Variants in TTLL1 observed in about 807,000 individuals in gnomAD.
TTLL1 encodes TTL family tubulin polyglutamylase complex subunit L1, also known as polyglutamylase complex subunit TTLL1.
In TTLL1, 33 loss-of-function variants were observed where a neutral mutation model predicts 47.8. The ratio of observed to expected loss-of-function variants is 0.69; its 90% CI spans 0.52 to 0.92. The LOEUF (loss-of-function observed/expected upper bound fraction) is 0.92. TTLL1 is among the 40% of genes least tolerant of loss of function. The pLI is 0.00. For synonymous variants in TTLL1, 225 were observed against 214.1 expected (o/e 1.05, Z -0.45); for missense variants, 488 against 547.5 (o/e 0.89, Z 1.08).
At chr22:43,061,382 G>A (rs1435362799) in intron 7 of TTLL1, among the ~76,000 whole-genome samples, 1 of 152,226 alleles carries the variant, frequency 6.6e-6, no homozygotes, top group Non-Finnish European at 1.5e-5. Context: ...CCTGTTGGCA[G>A]CTGTGGGGCC....
chr22:43,048,824 C>T (rs959330729), intron 9 of TTLL1, among the ~76,000 whole-genome samples: 2 of 151,986 alleles, frequency 1.3e-5, no homozygotes, highest in African/African-American at 4.8e-5. Flanking sequence ...GTAATCCCAG[C>T]TACTCAGGAG....
intron 2 of TTLL1, among the ~76,000 whole-genome samples, chr22:43,076,327 G>A (rs760943181): frequency 2.0e-5 from 3 of 152,078 alleles, no homozygotes; most frequent in Non-Finnish European, 4.4e-5. Flanking sequence ...GTGGTTGTGC[G>A]CACCCGTAAT....
chr22:43,045,044 G>A (rs6003015), intron 10 of TTLL1, among the ~76,000 whole-genome samples: 14,538 of 152,144 alleles, frequency 0.096, 814 homozygotes, highest in Admixed American at 0.15. Context: ...TGTATTTTTA[G>A]TAGAGATACA....
chr22:43,054,885 T>C (rs962586559), intron 8 of TTLL1, among the ~76,000 whole-genome samples: 4 of 149,304 alleles, frequency 2.7e-5, no homozygotes, highest in Non-Finnish European at 4.4e-5. Flanking sequence ...CCACTACGCC[T>C]GGCTAATTTT....
chr22:43,054,423 C>CTTT (rs767193512), intron 8 of TTLL1, among the ~76,000 whole-genome samples: 3 of 139,248 alleles, frequency 2.2e-5, no homozygotes, highest in East Asian at 2.0e-4. Flanking sequence ...GACATAATCT[C>CTTT]TTTTTTTTTT....
rs766678425 is a variant in TTLL1, at chr22:43,039,784, A to G, written c.1264T>C (p.Trp422Arg). 1 of 1,611,206 alleles carries G rather than the reference A, an allele frequency of 6.2e-7. No individual in the cohort carries two copies. Among genetic ancestry groups the G allele is most frequent in the Non-Finnish European group, 8.5e-7 (1 of 1,178,110 alleles). The change falls in exon 11 of 11, where the codon TGG becomes CGG. Residue 422 changes from tryptophan to arginine, a missense_variant. Coordinates refer to ENST00000266254, the MANE Select transcript of TTLL1 (RefSeq NM_012263.5). Reference sequence around the variant, plus strand: ...TAAGGTCCAGGTGGGACTCACTTCCAGGTGGTGAGGACCGCTCTCCCCGAG... The same window carrying G: ...TAAGGTCCAGGTGGGACTCACTTCCGGGTGGTGAGGACCGCTCTCCCCGAG... ...RDSGRAVLTT[W>R]K
At chr22:43,074,581 C>T (rs1408192066) in intron 3 of TTLL1, among the ~76,000 whole-genome samples, 2 of 152,088 alleles carry the variant, frequency 1.3e-5, no homozygotes, top group Non-Finnish European at 2.9e-5. Flanking sequence ...TGGCTCACGC[C>T]TGTAATCCCA....
rs201665477 is a variant in TTLL1 at position 43,059,531 on chromosome 22, G to A, written c.748-4C>T. 1 of 1,611,510 alleles carries A rather than the reference G, an allele frequency of 6.2e-7. No homozygotes were observed. Among genetic ancestry groups the A allele is most frequent in the East Asian group, 2.2e-5 (1 of 44,776 alleles). ...CATGGATGTGGTTGTAGTCCTCCTGGTGACGGGAAAGCGGGCAGGCATCCC... is the reference window on the plus strand; with the variant it reads ...CATGGATGTGGTTGTAGTCCTCCTGATGACGGGAAAGCGGGCAGGCATCCC... On this transcript the variant is annotated splice_region_variant and splice_polypyrimidine_tract_variant and intron_variant, in intron 7 of 10. Transcript: ENST00000266254.
At chr22:43,070,245 T>C (rs764862874) in intron 3 of TTLL1, 3 of 1,310,870 alleles carry the variant, frequency 2.3e-6, no homozygotes, top group Middle Eastern at 4.2e-4. Context: ...CAAGGAGCCT[T>C]TAAAAACAAA....
rs762996846 is a variant in TTLL1 at position 43,051,813 on chromosome 22, G to C, written c.966C>G (p.Pro322=). ...CTCCCGCAGTTACCTCGATCAGCCA[G>C]GGCTTCAGCTTGTCGTCGATGATGA... ...YDIIIDDKLK[P]WLIEVNASPS... The change falls in exon 9 of 11, where the codon CCC becomes CCG. Residue 322 remains proline, a synonymous_variant. Coordinates refer to ENST00000266254, the MANE Select transcript of TTLL1 (RefSeq NM_012263.5). The C allele has an allele frequency of 6.2e-7, 1 of 1,614,034 alleles. No individual in the cohort carries two copies. The highest frequency in any genetic ancestry group is 2.2e-5 in the East Asian group (1 of 44,856).
chr22:43,087,695 G>A lies in TTLL1; in HGVS notation c.-90+1582C>T, dbSNP rs544327368. On this transcript the variant is annotated intron_variant, in intron 1 of 10. Coordinates refer to ENST00000266254, the MANE Select transcript of TTLL1 (RefSeq NM_012263.5). ...TCTACTAAAAATACAAATATCAGCC[G>A]GGCGTGGTGGTGGGCGCCTGTAATC... Among the ~76,000 whole-genome samples, 23 of 150,992 alleles carry A rather than the reference G, an allele frequency of 1.5e-4. No homozygotes were observed. In the South Asian group the frequency reaches 1.9e-3, roughly 12 times the overall value.
chr22:43,089,068 A>G (rs1451804116), intron 1 of TTLL1, among the ~76,000 whole-genome samples: 1 of 152,224 alleles, frequency 6.6e-6, no homozygotes, highest in Admixed American at 6.5e-5. Context: ...GCACGAGGTA[A>G]GTCATAGGAA....
At chr22:43,043,870 A>T (rs915360681) in intron 10 of TTLL1, among the ~76,000 whole-genome samples, 13 of 151,976 alleles carry the variant, frequency 8.6e-5, no homozygotes, top group Middle Eastern at 3.2e-3. Context: ...TTGGAGAGCC[A>T]GGCTCCTAGT....
At chr22:43,048,382 T>C (rs1926321092) in intron 9 of TTLL1, among the ~76,000 whole-genome samples, 1 of 150,446 alleles carries the variant, frequency 6.6e-6, no homozygotes, top group Non-Finnish European at 1.5e-5. Flanking sequence ...CACCTATAAC[T>C]CCAGCACTTT....
At chr22:43,064,911 C>T (rs937037205) in intron 5 of TTLL1, among the ~76,000 whole-genome samples, 5 of 150,568 alleles carry the variant, frequency 3.3e-5, no homozygotes, top group Admixed American at 6.6e-5. Flanking sequence ...TTTGGGAGGC[C>T]GAGGCGGGTG....
chr22:43,065,314 C>T (rs1927657704), intron 5 of TTLL1, among the ~76,000 whole-genome samples: 1 of 151,934 alleles, frequency 6.6e-6, no homozygotes, highest in Non-Finnish European at 1.5e-5. Context: ...TTTTGAGACA[C>T]AGTCTTCCTC....
At chr22:43,078,495 G>C (rs1928654581) in intron 2 of TTLL1, among the ~76,000 whole-genome samples, 1 of 151,728 alleles carries the variant, frequency 6.6e-6, no homozygotes, top group African/African-American at 2.4e-5. Context: ...GACTCTGTCA[G>C]AAAAGAAAAG....
intron 2 of TTLL1, among the ~76,000 whole-genome samples, chr22:43,076,453 C>T (rs1477639462): frequency 4.0e-5 from 6 of 151,724 alleles, no homozygotes; most frequent in African/African-American, 7.3e-5. Context: ...GAGACTCCAT[C>T]GCAAAAAATA....
chr22:43,086,125 C>G (rs1172766533), intron 1 of TTLL1, among the ~76,000 whole-genome samples: 1 of 125,868 alleles, frequency 7.9e-6, no homozygotes, highest in African/African-American at 2.5e-5. Flanking sequence ...TTGTTGCTTC[C>G]TCCTAAAACA....
Sources: allele counts gnomAD v4.1 joint callset (sites outside exome capture counted in the v4.1 genomes callset), GRCh38; gene constraint gnomAD v4.1.1; transcripts MANE v1.5; gene names NCBI Gene and HGNC (gene_info 2026-07-23, HGNC 2026-07-21).